RCAN2: variants seen among roughly 807,000 people sequenced by gnomAD.
The protein encoded by RCAN2 is regulator of calcineurin 2, also known as calcipressin-2.
A neutral mutation model predicts 23.6 loss-of-function variants in RCAN2; 9 were observed. That is an observed-to-expected ratio of 0.38 (90% CI 0.23 to 0.67). The LOEUF (loss-of-function observed/expected upper bound fraction) is 0.67, where lower values mean the gene tolerates loss of function less well. Among genes scored for constraint, RCAN2 ranks in the 30% least tolerant of loss-of-function variants. The probability of loss-of-function intolerance (pLI) is 0.51; values close to 1 mark genes in which losing one functional copy is unlikely to be tolerated. For missense variants in RCAN2, 273 were observed against 302.3 expected (o/e 0.90, Z 0.72); for synonymous variants, 109 against 115.7 (o/e 0.94, Z 0.37).
At chr6:46,470,263 A>T (rs1288266829) in intron 1 of RCAN2, among the ~76,000 whole-genome samples, 3 of 152,338 alleles carry the variant, frequency 2.0e-5, no homozygotes, top group South Asian at 4.1e-4. Context: ...CATTCCAACA[A>T]GACCAATGGA....
At chr6:46,338,847 T>TA (rs930846709) in intron 2 of RCAN2, among the ~76,000 whole-genome samples, 1 of 151,546 alleles carries the variant, frequency 6.6e-6, no homozygotes, top group Admixed American at 6.6e-5. Context: ...GCCCAGTCTC[T>TA]AAAAAACATA....
chr6:46,483,073 A>G (rs1368560196), intron 1 of RCAN2, among the ~76,000 whole-genome samples: 1 of 152,190 alleles, frequency 6.6e-6, no homozygotes, highest in Non-Finnish European at 1.5e-5. Flanking sequence ...CCGCTCACCT[A>G]GATTTCCCCA....
At chr6:46,336,132 G>T (rs1582117125) in intron 2 of RCAN2, among the ~76,000 whole-genome samples, 1 of 152,248 alleles carries the variant, frequency 6.6e-6, no homozygotes, top group African/African-American at 2.4e-5. Flanking sequence ...CAGTGGTGAT[G>T]TGAAGACACA....
intron 2 of RCAN2, among the ~76,000 whole-genome samples, chr6:46,329,668 T>C (rs1220267696): frequency 6.6e-6 from 1 of 152,132 alleles, no homozygotes; most frequent in Admixed American, 6.5e-5. Flanking sequence ...AGTTCGGTGA[T>C]AACCTCTCAT....
chr6:46,355,856 G>C (rs908160917), intron 2 of RCAN2, among the ~76,000 whole-genome samples: 3 of 152,214 alleles, frequency 2.0e-5, no homozygotes, highest in African/African-American at 7.2e-5. Context: ...GAAAATCGAA[G>C]TGAGGAAATA....
chr6:46,260,442 CT>C (rs1239434226), intron 2 of RCAN2, among the ~76,000 whole-genome samples: 5 of 152,064 alleles, frequency 3.3e-5, no homozygotes, highest in Non-Finnish European at 7.4e-5. Context: ...CCTAAATCCA[CT>C]TTGTAAGTAC....
intron 2 of RCAN2, among the ~76,000 whole-genome samples, chr6:46,300,971 A>AT (rs763675836): frequency 3.2e-4 from 48 of 150,072 alleles, no homozygotes; most frequent in South Asian, 6.3e-4. Flanking sequence ...CTCTTTTGTC[A>AT]TTTTTTTTTT....
In RCAN2 at chr6:46,398,434, T is replaced by C. The variant is rs1426457426; in HGVS notation, c.225+58318A>G. On this transcript the variant is annotated intron_variant, in intron 2 of 4. Coordinates refer to ENST00000371374, the MANE Select transcript of RCAN2 (RefSeq NM_001251974.2). ...TTTCTTAGTGGCCAATTATTATTAT[T>C]ATTATGAGAATTTTTGATGTAGTGT... Among the ~76,000 whole-genome samples the C allele has an allele frequency of 2.0e-5, 3 of 152,276 alleles. No homozygotes were observed. In the East Asian group the frequency reaches 5.8e-4, roughly 29 times the overall value.
At position 46,332,405 on chromosome 6, in the gene RCAN2, C is replaced by A. The variant is rs566870368; in HGVS notation, c.226-83509G>T. 2.9e-4 allele frequency among the ~76,000 whole-genome samples: 44 copies of A among 151,796 alleles called. 1 individual carries two copies. Among genetic ancestry groups the A allele is most frequent in the South Asian group, 6.3e-4 (3 of 4,796 alleles). Reference sequence around the variant, plus strand: ...ACATGTGCCATGCGGGTGTGCTGCACCCATTAACTCATCATTTAGCATTAG... The same window carrying A: ...ACATGTGCCATGCGGGTGTGCTGCAACCATTAACTCATCATTTAGCATTAG... On this transcript the variant is annotated intron_variant, in intron 2 of 4. Transcript: ENST00000371374.
At chr6:46,248,593 G>A in intron 3 of RCAN2, 130 bp downstream of exon 3, 1 of 716,254 alleles carries the variant, frequency 1.4e-6, no homozygotes, top group Non-Finnish European at 2.2e-6. Flanking sequence ...CATGATGTGG[G>A]TCTATTTCTC....
At chr6:46,416,084 C>A (rs1369941798) in intron 2 of RCAN2, among the ~76,000 whole-genome samples, 1 of 152,014 alleles carries the variant, frequency 6.6e-6, no homozygotes, top group African/African-American at 2.4e-5. Context: ...TTTTTTAATA[C>A]TTTCAAATCA....
intron 1 of RCAN2, among the ~76,000 whole-genome samples, chr6:46,475,031 T>G (rs1538992): frequency 0.69 from 104,514 of 152,114 alleles, 35,898 homozygotes; most frequent in South Asian, 0.78. Context: ...TTGTGAAATT[T>G]TTCAATTTTT....
At chr6:46,462,012 T>C (rs1321462368) in intron 1 of RCAN2, among the ~76,000 whole-genome samples, 1 of 152,196 alleles carries the variant, frequency 6.6e-6, no homozygotes, top group East Asian at 1.9e-4. Context: ...TTTATTACTA[T>C]TGTTAGGCTT....
chr6:46,481,085 G>C (rs560589885), intron 1 of RCAN2, among the ~76,000 whole-genome samples: 2 of 152,318 alleles, frequency 1.3e-5, no homozygotes, highest in South Asian at 4.1e-4. Context: ...GCAAGCCATA[G>C]TGATGAGTGT....
At chr6:46,230,113 G>A (rs1402867019) in intron 4 of RCAN2, among the ~76,000 whole-genome samples, 1 of 152,196 alleles carries the variant, frequency 6.6e-6, no homozygotes, top group Non-Finnish European at 1.5e-5. Flanking sequence ...AGCGGCAAAT[G>A]TTGCTGCCTG....
intron 2 of RCAN2, among the ~76,000 whole-genome samples, chr6:46,333,414 G>A (rs569105590): frequency 3.5e-4 from 54 of 152,252 alleles, no homozygotes; most frequent in African/African-American, 1.1e-3. Context: ...ATTTACCAAC[G>A]TTTCTGCAAT....
chr6:46,244,774 C>T (rs893830082), intron 4 of RCAN2, among the ~76,000 whole-genome samples: 5 of 152,360 alleles, frequency 3.3e-5, no homozygotes, highest in Admixed American at 1.3e-4. Flanking sequence ...AGGTCAGACT[C>T]CTAGGTCCTC....
intron 2 of RCAN2, among the ~76,000 whole-genome samples, chr6:46,331,574 A>G (rs1763974741): frequency 1.3e-5 from 2 of 152,186 alleles, no homozygotes; most frequent in Non-Finnish European, 2.9e-5. Context: ...GTATGACAAG[A>G]TGTTCCAGAC....
chr6:46,296,145 C>T (rs138554609), intron 2 of RCAN2, among the ~76,000 whole-genome samples: 156 of 148,456 alleles, frequency 1.1e-3, no homozygotes, highest in African/African-American at 3.8e-3. Context: ...TGTTGATTTC[C>T]CGACTGGGAA....
Sources: allele counts gnomAD v4.1 joint callset (sites outside exome capture counted in the v4.1 genomes callset), GRCh38; gene constraint gnomAD v4.1.1; transcripts MANE v1.5; gene names NCBI Gene and HGNC (gene_info 2026-07-23, HGNC 2026-07-21).